Variants in NPSR1 observed in about 807,000 individuals in gnomAD.
The protein encoded by NPSR1 is neuropeptide S receptor.
NPSR1 carries 48 observed loss-of-function variants against 46.9 expected under a neutral mutation model. The ratio of observed to expected loss-of-function variants is 1.02; its 90% CI spans 0.81 to 1.30. NPSR1 has a LOEUF of 1.30. Ranked by LOEUF, NPSR1 falls within the 50% of genes most tolerant of loss-of-function variation. The probability of loss-of-function intolerance (pLI) is 0.00; values close to 1 mark genes in which losing one functional copy is unlikely to be tolerated. For synonymous variants in NPSR1, 176 were observed against 168.1 expected (o/e 1.05, Z -0.36); for missense variants, 450 against 449.5 (o/e 1.00, Z -0.01).
intron 2 of NPSR1, among the ~76,000 whole-genome samples, chr7:34,764,270 A>C (rs1309275222): frequency 6.6e-6 from 1 of 152,210 alleles, no homozygotes; most frequent in African/African-American, 2.4e-5. Context: ...GTGCTGGTTG[A>C]AAGTGTTTTT....
At chr7:34,722,116 T>A (rs1783888477) in intron 2 of NPSR1, among the ~76,000 whole-genome samples, 1 of 152,050 alleles carries the variant, frequency 6.6e-6, no homozygotes, top group Middle Eastern at 3.2e-3. Context: ...AAAAAAAAAT[T>A]CCCAATGAAT....
chr7:34,698,422 T>C (rs939632765), intron 2 of NPSR1, among the ~76,000 whole-genome samples: 4 of 152,090 alleles, frequency 2.6e-5, no homozygotes, highest in Admixed American at 1.3e-4. Context: ...AATGTAAACA[T>C]GTAAAAGAGC....
intron 2 of NPSR1, among the ~76,000 whole-genome samples, chr7:34,762,672 G>C (rs1048128473): frequency 6.6e-6 from 1 of 152,164 alleles, no homozygotes; most frequent in Non-Finnish European, 1.5e-5. Flanking sequence ...ATTGAGTTGA[G>C]CTGGAAGCAT....
At chr7:34,668,351 G>T (rs181292130) in intron 1 of NPSR1, among the ~76,000 whole-genome samples, 77 of 152,262 alleles carry the variant, frequency 5.1e-4, no homozygotes, top group African/African-American at 1.7e-3. Context: ...TATTCTTTTG[G>T]CTAAGAATAC....
intron 8 of NPSR1, among the ~76,000 whole-genome samples, chr7:34,870,734 T>C (rs1293372812): frequency 6.6e-6 from 1 of 151,754 alleles, no homozygotes; most frequent in Non-Finnish European, 1.5e-5. Flanking sequence ...ATAAGCCCCC[T>C]GGGAATTTAT....
intron 1 of NPSR1, among the ~76,000 whole-genome samples, chr7:34,668,939 T>G (rs1163611587): frequency 6.6e-6 from 1 of 152,192 alleles, no homozygotes; most frequent in African/African-American, 2.4e-5. Context: ...TGCTCGGTAA[T>G]GTCTAATGCA....
intron 2 of NPSR1, among the ~76,000 whole-genome samples, chr7:34,729,775 T>C (rs1160329913): frequency 1.3e-5 from 2 of 152,168 alleles, no homozygotes; most frequent in African/African-American, 2.4e-5. Context: ...ATGAACAAAC[T>C]TTTTTGTTTG....
intron 3 of NPSR1, among the ~76,000 whole-genome samples, chr7:34,802,582 C>T: frequency 6.7e-6 from 1 of 150,334 alleles, no homozygotes; most frequent in African/African-American, 2.5e-5. Flanking sequence ...GGATTAAAGA[C>T]TAAATTGTTA....
At chr7:34,869,387 T>C (rs1366310219) in intron 8 of NPSR1, among the ~76,000 whole-genome samples, 1 of 151,776 alleles carries the variant, frequency 6.6e-6, no homozygotes, top group African/African-American at 2.4e-5. Context: ...AGATCCTATT[T>C]AAAATCTCTG....
intron 6 of NPSR1, among the ~76,000 whole-genome samples, chr7:34,840,121 T>G (rs1388823071): frequency 6.6e-6 from 1 of 152,110 alleles, no homozygotes; most frequent in Non-Finnish European, 1.5e-5. Flanking sequence ...AATTTACAGT[T>G]GGCTCTGGGC....
chr7:34,821,174 G>T (rs561545870), intron 4 of NPSR1, among the ~76,000 whole-genome samples: 100 of 125,952 alleles, frequency 7.9e-4, no homozygotes, highest in Admixed American at 1.2e-3. Flanking sequence ...TCACTCTGTC[G>T]CCCGGGCTAG....
chr7:34,778,654 A>G, intron 3 of NPSR1, 89 bp downstream of exon 3: 1 of 797,870 alleles, frequency 1.3e-6, no homozygotes, highest in East Asian at 2.7e-5. Flanking sequence ...AAAACCTTGC[A>G]TTCCTATGCA....
chr7:34,849,474 A>T, intron 8 of NPSR1, 91 bp from the exon 9 acceptor site: 1 of 1,604,014 alleles, frequency 6.2e-7, no homozygotes, highest in Non-Finnish European at 8.5e-7. Context: ...CATTTAATAC[A>T]TTTTTCATAA....
At chr7:34,665,828 GCACATACACATGGA>G (rs1313337253) in intron 1 of NPSR1, among the ~76,000 whole-genome samples, 2 of 151,706 alleles carry the variant, frequency 1.3e-5, no homozygotes, top group African/African-American at 4.8e-5. Flanking sequence ...ACACCCATGA[GCACATACACATGGA>G]CACATACAAA....
intron 8 of NPSR1, 120 bp from the exon 9 acceptor site, chr7:34,849,445 G>T: frequency 6.3e-7 from 1 of 1,596,304 alleles, no homozygotes; most frequent in East Asian, 2.2e-5. Context: ...CATGTAAAGT[G>T]CCTGGCACAG....
At chr7:34,785,124 A>G (rs1584014061) in intron 3 of NPSR1, among the ~76,000 whole-genome samples, 1 of 151,852 alleles carries the variant, frequency 6.6e-6, no homozygotes, top group African/African-American at 2.4e-5. Context: ...AAGACTTGGA[A>G]CCAACCCAAA....
intron 2 of NPSR1, among the ~76,000 whole-genome samples, chr7:34,691,647 C>G (rs1014025337): frequency 6.6e-6 from 1 of 152,086 alleles, no homozygotes; most frequent in Non-Finnish European, 1.5e-5. Flanking sequence ...ATAAAAGGTT[C>G]AAACGACAAG....
At chr7:34,680,325 T>A (rs1279834674) in intron 1 of NPSR1, among the ~76,000 whole-genome samples, 1 of 152,194 alleles carries the variant, frequency 6.6e-6, no homozygotes, top group Admixed American at 6.5e-5. Context: ...TGAAAGTAAG[T>A]TATTTTTATA....
chr7:34,807,271 T>C (rs1788744526), intron 3 of NPSR1, among the ~76,000 whole-genome samples: 1 of 152,178 alleles, frequency 6.6e-6, no homozygotes, highest in Non-Finnish European at 1.5e-5. Context: ...TTCTTGGTAG[T>C]TTAGTATATC....
Sources: gnomAD v4.1 joint callset for allele counts (sites outside exome capture counted in the v4.1 genomes callset) on GRCh38, gnomAD v4.1.1 for gene constraint, MANE v1.5 for transcripts, NCBI Gene and HGNC (gene_info 2026-07-23, HGNC 2026-07-21) for gene names.